The following SLC16A1 variants were observed in gnomAD, a reference collection of about 807,000 sequenced individuals.
SLC16A1 encodes the protein monocarboxylate transporter 1.
Under a neutral mutation model 32.2 loss-of-function variants are expected in SLC16A1, and 11 were observed. That is an observed-to-expected ratio of 0.34 (90% confidence interval 0.21 to 0.56). SLC16A1 has a LOEUF of 0.56. Among genes scored for constraint, SLC16A1 ranks in the 20% least tolerant of loss-of-function variants. The pLI, the probability that SLC16A1 is intolerant of heterozygous loss-of-function variation, is 0.87. For synonymous variants in SLC16A1, 231 were observed against 226.8 expected, an observed-to-expected ratio of 1.02 and a Z score of -0.17; for missense variants, 435 against 615.0, an observed-to-expected ratio of 0.71 and a Z score of 3.10.
intron 1 of SLC16A1, among the ~76,000 whole-genome samples, chr1:112,954,610 C>T (rs1417880443): frequency 6.6e-6 from 1 of 152,160 alleles, no homozygotes; most frequent in Non-Finnish European, 1.5e-5. Context: ...TACAGTCTAT[C>T]CCGTTAAGCT....
chr1:112,951,320 G>A lies in SLC16A1; in HGVS notation c.-45+4715C>T, dbSNP rs192482342. ...GGTAGGGCAGGGGGGCCTACTAGGA[G>A]AAATATTAAGAAGATTCAGAGGTTT... is the stretch of plus-strand genomic sequence containing the variant. On this transcript the variant is annotated intron_variant, in intron 1 of 4. Transcript: ENST00000369626. Among the ~76,000 whole-genome samples the A allele has an allele frequency of 1.0e-3, 153 of 150,860 alleles. 1 individual carries two copies. The highest frequency in any genetic ancestry group is 3.7e-3 in the African/African-American group (148 of 40,294).
At chr1:112,919,011 T>TTTATTTATTTATTTATTTATTTA (rs374042504) in intron 3 of SLC16A1, among the ~76,000 whole-genome samples, 1 of 144,224 alleles carries the variant, frequency 6.9e-6, no homozygotes, top group Non-Finnish European at 1.5e-5. Flanking sequence ...TACTAATTTA[T>TTTATTTATTTATTTATTTATTTA]TTTATTTATT....
Position 112,934,258 on chromosome 1 carries a change from G to A in SLC16A1, c.-44-4906C>T, listed in dbSNP as rs548756578. Among the ~76,000 whole-genome samples the A allele has an allele frequency of 2.0e-4, 31 of 152,170 alleles. No individual in the cohort carries two copies. In the South Asian group the frequency reaches 5.2e-3, roughly 25 times the overall value. On this transcript the variant is annotated intron_variant, in intron 1 of 4. Transcript: ENST00000369626. ...TACTCATTGGAACATTTCGAATTTT[G>A]GATTTTTGGATTAGGGATGTTCAAC...
In SLC16A1 at chr1:112,914,013, T is replaced by C; in HGVS notation, c.1381A>G (p.Ser461Gly). The change falls in exon 5 of 5, where the codon AGT becomes GGT. Residue 461 changes from serine to glycine, a missense_variant. By Grantham distance (56) the Ser-to-Gly change is moderately conservative. Around this residue, in one of 2 missense-constraint regions of SLC16A1, gnomAD observed 111 missense variants for 114.7 expected, o/e 0.97. Coordinates refer to ENST00000369626, the MANE Select transcript of SLC16A1 (RefSeq NM_003051.4). ...TCTATACTGGTCTCTTCCTCTTTAC[T>C]TTCCTTTTTCTGCTCGTTTGCTTTC... ...EQKANEQKKE[S>G]KEEETSIDVA... 2 of 1,614,224 alleles carry C rather than the reference T, an allele frequency of 1.2e-6. No homozygotes were observed. The highest frequency in any genetic ancestry group is 1.7e-6 in the Non-Finnish European group (2 of 1,180,034).
chr1:112,944,344 T>C (rs1398531892), intron 1 of SLC16A1, among the ~76,000 whole-genome samples: 1 of 152,068 alleles, frequency 6.6e-6, no homozygotes, highest in Non-Finnish European at 1.5e-5. Context: ...CCCAGCTACA[T>C]GGGAGGCTGA....
intron 1 of SLC16A1, among the ~76,000 whole-genome samples, chr1:112,946,818 G>T (rs986217493): frequency 6.6e-6 from 1 of 152,184 alleles, no homozygotes; most frequent in Non-Finnish European, 1.5e-5. Flanking sequence ...CTCCCAAAGC[G>T]CTGGGAGAAA....
chr1:112,943,787 CAAAAA>C (rs60946516), intron 1 of SLC16A1, among the ~76,000 whole-genome samples: 1 of 49,504 alleles, frequency 2.0e-5, no homozygotes, highest in Non-Finnish European at 5.3e-5. Context: ...GACTCCATCT[CAAAAA>C]AAAAAAAAAA....
chr1:112,929,381 T>A (rs2101633754), intron 1 of SLC16A1, 29 bp from the exon 2 acceptor site: 2 of 1,235,254 alleles, frequency 1.6e-6, no homozygotes, highest in Non-Finnish European at 2.3e-6. Context: ...AAATAGTATG[T>A]CAATATAAGG....
rs547033246 is a variant in SLC16A1, at chr1:112,917,611, T to C, written c.795A>G (p.Leu265=). ...ACATGATCACATTTCCAGAGAGGTA[T>C]AGCAAAAAGCCTCTGTGGGTGAATA... ...LTLFTHRGFL[L]YLSGNVIMFF... is the part of the protein sequence containing the mutation. Residue 265 remains leucine, a synonymous_variant, in exon 4 of 5, where the codon CTA becomes CTG. Coordinates refer to ENST00000369626, the MANE Select transcript of SLC16A1 (RefSeq NM_003051.4). The surrounding 1 kb of genome is among the most constrained non-coding windows in gnomAD (Gnocchi z 4.1). The C allele has an allele frequency of 3.3e-5, 53 of 1,614,226 alleles. 1 individual carries two copies. The South Asian group carries it at 5.2e-4, about 16-fold the overall frequency.
At chr1:112,919,429 A>G (rs1648638724) in intron 3 of SLC16A1, among the ~76,000 whole-genome samples, 1 of 152,262 alleles carries the variant, frequency 6.6e-6, no homozygotes, top group Non-Finnish European at 1.5e-5. Context: ...CAGAACAAAT[A>G]CAGAGCTACT....
intron 1 of SLC16A1, among the ~76,000 whole-genome samples, chr1:112,935,191 G>C (rs1649258348): frequency 2.0e-5 from 3 of 151,934 alleles, no homozygotes; most frequent in Admixed American, 2.0e-4. Flanking sequence ...GAGGAGAGTG[G>C]ATCACCTGAG....
chr1:112,914,879 C>T (rs1293777517), intron 4 of SLC16A1, among the ~76,000 whole-genome samples: 1 of 152,118 alleles, frequency 6.6e-6, no homozygotes, highest in Non-Finnish European at 1.5e-5. Flanking sequence ...CTCATAAAGG[C>T]TTTGTGAAGT....
chr1:112,920,544 T>A (rs577455267), intron 3 of SLC16A1, among the ~76,000 whole-genome samples: 46 of 152,216 alleles, frequency 3.0e-4, no homozygotes, highest in Middle Eastern at 3.4e-3. Flanking sequence ...AGGCGGAGAT[T>A]GCAGTGAGCC....
At chr1:112,923,883 G>C (rs1390557740) in intron 2 of SLC16A1, 6 of 1,522,634 alleles carry the variant, frequency 3.9e-6, no homozygotes, top group Non-Finnish European at 5.5e-6. Flanking sequence ...CACCCAGCAG[G>C]TGAAAACGGA....
chr1:112,917,342 C>A lies in SLC16A1; in HGVS notation c.1064G>T (p.Gly355Val). Residue 355 changes from glycine (G) to valine (V), a missense_variant, in exon 4 of 5, where the codon GGA becomes GTA. Coordinates refer to ENST00000369626, the MANE Select transcript of SLC16A1 (RefSeq NM_003051.4). This position sits in a 1 kb window ranked among gnomAD's most constrained non-coding sequence, Gnocchi z 4.1. ...MLAPLSTTYV[G>V]FCVYAGFFGF... ...AAAGAATCCCGCATAGACACAGAAT[C>A]CAACATAGGTAGTGGATAAAGGTGC... 1 of 1,614,154 alleles carries A rather than the reference C, an allele frequency of 6.2e-7. No individual in the cohort carries two copies. Among genetic ancestry groups the A allele is most frequent in the Non-Finnish European group, 8.5e-7 (1 of 1,180,018 alleles).
At position 112,914,113 on chromosome 1, in the gene SLC16A1, G is replaced by A. The variant is rs779279429; in HGVS notation, c.1281C>T (p.Gly427=). ...AGATACCTGAAATAATTAGGACGAC[G>A]CCACATGCCCAGTATGTGTATTTGT... The part of the protein sequence containing the change: ...GDYKYTYWAC[G]VVLIISGIYL... Residue 427 remains glycine (G), a synonymous_variant, in exon 5 of 5, where the codon GGC becomes GGT. Coordinates refer to ENST00000369626, the MANE Select transcript of SLC16A1 (RefSeq NM_003051.4). 8 of 1,614,112 alleles carry A rather than the reference G, an allele frequency of 5.0e-6. No homozygotes were observed. The highest frequency in any genetic ancestry group is 3.3e-5 in the Admixed American group (2 of 60,020).
At chr1:112,943,993 GGAAAGAAA>G (rs892774310) in intron 1 of SLC16A1, among the ~76,000 whole-genome samples, 3 of 151,836 alleles carry the variant, frequency 2.0e-5, no homozygotes, top group African/African-American at 7.3e-5. Context: ...TTAGATTCTG[GGAAAGAAA>G]GAAAGTAAAT....
intron 4 of SLC16A1, among the ~76,000 whole-genome samples, chr1:112,915,860 T>A (rs1338245747): frequency 3.3e-5 from 5 of 152,190 alleles, no homozygotes; most frequent in Admixed American, 2.0e-4. Context: ...AAAGTATGAG[T>A]CACATCCAGA....
intron 1 of SLC16A1, among the ~76,000 whole-genome samples, chr1:112,948,841 A>AT (rs1261663367): frequency 7.5e-6 from 1 of 132,522 alleles, no homozygotes; most frequent in Non-Finnish European, 1.6e-5. Context: ...TTATTTTATT[A>AT]TTTTTTTGAG....
Sources: allele counts gnomAD v4.1 joint callset (sites outside exome capture counted in the v4.1 genomes callset), GRCh38; gene constraint gnomAD v4.1.1; regional missense constraint gnomAD v4.1.1; non-coding constraint Gnocchi (gnomAD v3.1); transcripts MANE v1.5; gene names NCBI Gene and HGNC (gene_info 2026-07-23, HGNC 2026-07-21).